The following TOP1MT variants were observed in gnomAD, a reference collection of about 807,000 sequenced individuals.
TOP1MT encodes the protein DNA topoisomerase I mitochondrial.
TOP1MT carries 80 observed loss-of-function variants against 73.9 expected under a neutral mutation model. That is an observed-to-expected ratio of 1.08 (90% confidence interval 0.90 to 1.30). TOP1MT has a LOEUF of 1.30. TOP1MT is among the 50% of genes most tolerant of loss of function. The probability of loss-of-function intolerance (pLI) is 0.00; values close to 1 mark genes in which losing one functional copy is unlikely to be tolerated. For missense variants in TOP1MT, 815 were observed against 808.0 expected (o/e 1.01, Z -0.10); for synonymous variants, 338 against 326.4 (o/e 1.04, Z -0.38).
intron 1 of TOP1MT, chr8:143,333,697 T>A (rs1816918695): frequency 6.6e-6 from 1 of 152,388 alleles, no homozygotes; most frequent in African/African-American, 2.4e-5. Context: ...AGCACCACCA[T>A]CAGACACAAG....
At chr8:143,338,909 CA>C (rs1283247306), upstream of TOP1MT, among the ~76,000 whole-genome samples, 4 of 152,226 alleles carry the variant, frequency 2.6e-5, no homozygotes, top group Admixed American at 2.6e-4. Context: ...CCAGGCCACT[CA>C]GGGGTTGCCC....
upstream of TOP1MT, among the ~76,000 whole-genome samples, chr8:143,357,379 CT>C (rs1817429251): frequency 6.6e-6 from 1 of 150,440 alleles, no homozygotes; most frequent in African/African-American, 2.4e-5. Flanking sequence ...CACTGCACTC[CT>C]GGGCGACAGA....
Position 143,310,181 on chromosome 8 carries a change from C to A in TOP1MT, c.1590G>T (p.Leu530=), listed in dbSNP as rs777155472. ...LEKKRRLLEK[L]QEQLAQLSVQ... is the part of the protein sequence containing the mutation. Reference sequence around the variant, plus strand: ...CACTCAGCTGCGCCAGCTGCTCCTGCAGCTTCTCCAGGAGCCGCCTCTTCT... The same window carrying A: ...CACTCAGCTGCGCCAGCTGCTCCTGAAGCTTCTCCAGGAGCCGCCTCTTCT... Residue 530 remains leucine (L), a synonymous_variant, in exon 13 of 14, where the codon CTG becomes CTT. Coordinates refer to ENST00000329245, the MANE Select transcript of TOP1MT (RefSeq NM_052963.3). 5.0e-6 allele frequency: 8 copies of A among 1,600,352 alleles called. No homozygotes were observed. Among genetic ancestry groups the A allele is most frequent in the Non-Finnish European group, 6.8e-6 (8 of 1,173,574 alleles).
chr8:143,315,651 A>G, intron 12 of TOP1MT, 76 bp downstream of exon 12: 1 of 1,144,070 alleles, frequency 8.7e-7, no homozygotes, highest in Non-Finnish European at 1.3e-6. Flanking sequence ...GTCGTCTCCC[A>G]CCGACCCTGT....
chr8:143,314,272 T>C (rs1259881460), intron 12 of TOP1MT, among the ~76,000 whole-genome samples: 4 of 152,144 alleles, frequency 2.6e-5, no homozygotes, highest in Admixed American at 2.6e-4. Context: ...GTCCCACTCT[T>C]GTCCACAAGG....
chr8:143,332,530 G>A, intron 1 of TOP1MT: 2 of 1,289,450 alleles, frequency 1.6e-6, no homozygotes, highest in Non-Finnish European at 2.0e-6. Flanking sequence ...GCCAGGTAGT[G>A]CTGTTGGGGG....
At position 143,324,464 on chromosome 8, in the gene TOP1MT, C is replaced by A. The variant is rs769106739; in HGVS notation, c.816+21G>T. The A allele has an allele frequency of 7.4e-6, 12 of 1,613,668 alleles. No individual in the cohort carries two copies. In the South Asian group the frequency reaches 1.2e-4, roughly 16 times the overall value. On this transcript the variant is annotated intron_variant, in intron 6 of 13. Coordinates refer to ENST00000329245, the MANE Select transcript of TOP1MT (RefSeq NM_052963.3). The stretch of plus-strand genomic sequence containing the variant: ...GGGGGACCTCCTGGGGAGGAAACAC[C>A]CTGCCAAGCCCTGCGCTCACCTTCA...
chr8:143,331,142 G>T, intron 2 of TOP1MT, 82 bp downstream of exon 2: 1 of 1,097,846 alleles, frequency 9.1e-7, no homozygotes, highest in South Asian at 1.5e-5. Context: ...GGGGGCTGAG[G>T]GAGCGAGCCA....
intron 11 of TOP1MT, 27 bp downstream of exon 11, chr8:143,315,972 G>A: frequency 6.2e-7 from 1 of 1,614,026 alleles, no homozygotes; most frequent in Non-Finnish European, 8.5e-7. Flanking sequence ...TGAGGGCTGG[G>A]CTGGGGGCTC....
chr8:143,322,074 C>G (rs1416134948), intron 7 of TOP1MT, among the ~76,000 whole-genome samples: 1 of 96,000 alleles, frequency 1.0e-5, no homozygotes, highest in Non-Finnish European at 2.2e-5. Flanking sequence ...CACACACGCA[C>G]GCCACACACA....
intron 8 of TOP1MT, among the ~76,000 whole-genome samples, chr8:143,319,721 G>C (rs1286944818): frequency 1.3e-5 from 2 of 152,200 alleles, no homozygotes; most frequent in Non-Finnish European, 2.9e-5. Flanking sequence ...GCAGCCACTA[G>C]TCCCTGCAGC....
At chr8:143,335,523 C>T (rs1035413627), upstream of TOP1MT, among the ~76,000 whole-genome samples, 5 of 152,234 alleles carry the variant, frequency 3.3e-5, no homozygotes, top group Admixed American at 3.3e-4. Flanking sequence ...CAGTCCCCAG[C>T]GTGACTGCTG....
chr8:143,347,973 T>C (rs974752851), upstream of TOP1MT, among the ~76,000 whole-genome samples: 4 of 152,230 alleles, frequency 2.6e-5, no homozygotes, highest in South Asian at 8.3e-4. Context: ...GTGGCTGCCA[T>C]GGAGGGTGCC....
Position 143,321,326 on chromosome 8 carries a change from A to C in TOP1MT, c.1021T>G (p.Cys341Gly). The change falls in exon 8 of 14, where the codon TGT becomes GGT. Residue 341 changes from cysteine to glycine, a missense_variant. Around this residue, in one of 3 missense-constraint regions of TOP1MT, gnomAD observed 751 missense variants for 725.4 expected, o/e 1.04. Transcript: ENST00000329245. ...TGGACGTGCTCCACGCGGAGGGAAC[A>C]GCAGCCCACGGTGTCGGCCGCCTCA... ...DGEAADTVGC[C>G]SLRVEHVQLH... 6.2e-7 allele frequency: 1 copy of C among 1,606,934 alleles called. No individual in the cohort carries two copies. Among genetic ancestry groups the C allele is most frequent in the Non-Finnish European group, 8.5e-7 (1 of 1,174,598 alleles).
chr8:143,329,898 C>T (rs1002187962), intron 2 of TOP1MT, among the ~76,000 whole-genome samples: 4 of 151,932 alleles, frequency 2.6e-5, no homozygotes, highest in African/African-American at 9.7e-5. Flanking sequence ...GCCTCTGTCC[C>T]ACCATTCCCT....
At chr8:143,347,703 GCCAGCC>G (rs1817251216), upstream of TOP1MT, among the ~76,000 whole-genome samples, 1 of 150,984 alleles carries the variant, frequency 6.6e-6, no homozygotes, top group South Asian at 2.1e-4. Context: ...CAGCCAGCCA[GCCAGCC>G]AGCCAGCCAG....
chr8:143,316,116 G>A lies in TOP1MT; in HGVS notation c.1341C>T (p.Ser447=). ...QLRALTRAED[S]IAAKILSYNR... ...TGTAGGATAAGATCTTAGCTGCTAT[G>A]CTGTCCTCGGCTGAGAGGCACGGGC... is the stretch of plus-strand genomic sequence containing the variant. The change falls in exon 11 of 14, where the codon AGC becomes AGT. Residue 447 remains serine (S), a synonymous_variant. Transcript: ENST00000329245. 1.2e-6 allele frequency: 2 copies of A among 1,614,128 alleles called. No individual in the cohort carries two copies. Among genetic ancestry groups the A allele is most frequent in the East Asian group, 2.2e-5 (1 of 44,884 alleles).
intron 2 of TOP1MT, among the ~76,000 whole-genome samples, chr8:143,329,757 A>G (rs545451940): frequency 3.2e-4 from 48 of 152,344 alleles, no homozygotes; most frequent in African/African-American, 1.2e-3. Flanking sequence ...TACTACATTT[A>G]TATTACATGA....
In TOP1MT at chr8:143,341,777, CAG is replaced by C. The variant is rs1221202011; in HGVS notation, c.29+1441_29+1442del. Among the ~76,000 whole-genome samples the C allele has an allele frequency of 6.6e-6, 1 of 152,196 alleles. No homozygotes were observed. The highest frequency in any genetic ancestry group is 1.9e-4 in the East Asian group (1 of 5,198). On this transcript the variant is annotated intron_variant, in intron 2 of 5. Transcript: ENST00000518007. This position sits in a 1 kb window ranked among gnomAD's most constrained non-coding sequence, Gnocchi z 4.1. ...ACAAAACACCAGAAAGGGAAGGTCA[CAG>C]AGCACTATCCCGACACCACTGCCCC...
Sources: gnomAD v4.1 joint callset for allele counts (sites outside exome capture counted in the v4.1 genomes callset) on GRCh38, gnomAD v4.1.1 for gene constraint, gnomAD v4.1.1 regional missense constraint, Gnocchi (gnomAD v3.1) non-coding constraint, MANE v1.5 for transcripts, NCBI Gene and HGNC (gene_info 2026-07-23, HGNC 2026-07-21) for gene names.